Variants in EFCAB6 observed in about 807,000 individuals in gnomAD.
The protein encoded by EFCAB6 is EF-hand calcium binding domain 6.
Under a neutral mutation model 169.8 loss-of-function variants are expected in EFCAB6, and 156 were observed. The observed-to-expected ratio is 0.92, with a 90% CI of 0.81 to 1.05. The LOEUF (loss-of-function observed/expected upper bound fraction) is 1.05, where lower values mean the gene tolerates loss of function less well. Among genes scored for constraint, EFCAB6 ranks in the 50% least tolerant of loss-of-function variants. The probability of loss-of-function intolerance (pLI) is 0.00; values close to 1 mark genes in which losing one functional copy is unlikely to be tolerated. For missense variants in EFCAB6, 1,800 were observed against 1,829.1 expected, an observed-to-expected ratio of 0.98 and a Z score of 0.29; for synonymous variants, 698 against 676.4, an observed-to-expected ratio of 1.03 and a Z score of -0.50.
chr22:43,623,118 G>A (rs575511984), intron 20 of EFCAB6, among the ~76,000 whole-genome samples: 4 of 152,304 alleles, frequency 2.6e-5, no homozygotes, highest in Non-Finnish European at 4.4e-5. Flanking sequence ...CAGCTGAAGC[G>A]CTTGATGACT....
chr22:43,647,972 T>A (rs1206952815), intron 17 of EFCAB6, among the ~76,000 whole-genome samples: 1 of 152,156 alleles, frequency 6.6e-6, no homozygotes, highest in Non-Finnish European at 1.5e-5. Context: ...ATTTTTATTG[T>A]TTTAAGCTAC....
At chr22:43,786,771 A>G (rs1216071585) in intron 2 of EFCAB6, among the ~76,000 whole-genome samples, 1 of 151,958 alleles carries the variant, frequency 6.6e-6, no homozygotes, top group East Asian at 1.9e-4. Context: ...AAAGCTAAAA[A>G]CCAATATTCC....
chr22:43,757,706 G>T (rs1419521714), intron 5 of EFCAB6, among the ~76,000 whole-genome samples: 1 of 152,110 alleles, frequency 6.6e-6, no homozygotes, highest in African/African-American at 2.4e-5. Context: ...GCTGGTCAAG[G>T]CTTTGTCAGG....
chr22:43,531,174 A>G (rs2047041067), intron 30 of EFCAB6, among the ~76,000 whole-genome samples: 1 of 152,144 alleles, frequency 6.6e-6, no homozygotes, highest in Non-Finnish European at 1.5e-5. Context: ...CTGTTTAAAA[A>G]CGTGTATTAC....
At chr22:43,592,933 A>G (rs2051677718) in intron 23 of EFCAB6, among the ~76,000 whole-genome samples, 4 of 152,376 alleles carry the variant, frequency 2.6e-5, no homozygotes, top group African/African-American at 9.6e-5. Flanking sequence ...CTTAATCTTT[A>G]AAATGTATTT....
chr22:43,591,113 TTTTTTTTTTTG>T (rs545883467), intron 23 of EFCAB6, among the ~76,000 whole-genome samples: 9,008 of 38,156 alleles, frequency 0.24, 306 homozygotes, highest in Admixed American at 0.36. Context: ...TGTTTTTTGT[TTTTTTTTTTTG>T]TTTTTTTTTT....
chr22:43,773,201 A>G (rs1207270385), intron 3 of EFCAB6, 98 bp from the exon 4 acceptor site: 16 of 1,191,614 alleles, frequency 1.3e-5, no homozygotes, highest in Non-Finnish European at 1.9e-5. Flanking sequence ...AACTTATTAG[A>G]TGGTATTTCT....
chr22:43,589,364 G>C (rs550523591), intron 24 of EFCAB6, among the ~76,000 whole-genome samples: 3 of 136,754 alleles, frequency 2.2e-5, no homozygotes, highest in Admixed American at 7.7e-5. Flanking sequence ...CAGTCAACAG[G>C]ATTGGAAGTT....
intron 12 of EFCAB6, among the ~76,000 whole-genome samples, chr22:43,680,702 T>G (rs1446155533): frequency 6.6e-6 from 1 of 152,250 alleles, no homozygotes; most frequent in African/African-American, 2.4e-5. Context: ...TTATTCTTTT[T>G]GATGCTATTG....
chr22:43,774,369 A>G (rs966144930), intron 3 of EFCAB6, among the ~76,000 whole-genome samples: 2 of 151,230 alleles, frequency 1.3e-5, no homozygotes, highest in African/African-American at 4.9e-5. Flanking sequence ...GGCACCCCAC[A>G]GTGACGCTGC....
chr22:43,795,838 A>T lies in EFCAB6; in HGVS notation c.-8+13157T>A, dbSNP rs563947396. Among the ~76,000 whole-genome samples the T allele has an allele frequency of 2.7e-3, 389 of 144,210 alleles. 3 individuals are homozygous for T. The highest frequency in any genetic ancestry group is 9.5e-3 in the African/African-American group (368 of 38,848). 94.6% of individuals were successfully genotyped at this position (144,210 alleles called of 152,430 possible). On this transcript the variant is annotated intron_variant, in intron 2 of 31. Transcript: ENST00000262726. This position sits in a 1 kb window ranked among gnomAD's most constrained non-coding sequence, Gnocchi z 4.2. ...CCTCCCAACACACACACACACACACACACTACACACTCACCACATACTCTC... is the reference window on the plus strand; with the variant it reads ...CCTCCCAACACACACACACACACACTCACTACACACTCACCACATACTCTC...
At chr22:43,643,325 G>T (rs2055926574) in intron 17 of EFCAB6, among the ~76,000 whole-genome samples, 1 of 152,250 alleles carries the variant, frequency 6.6e-6, no homozygotes, top group Non-Finnish European at 1.5e-5. Flanking sequence ...TTGAACACGA[G>T]TTGGTCGGAC....
intron 2 of EFCAB6, among the ~76,000 whole-genome samples, chr22:43,787,458 T>C (rs1224335374): frequency 6.6e-6 from 1 of 152,108 alleles, no homozygotes; most frequent in Non-Finnish European, 1.5e-5. Flanking sequence ...TATATCTCTA[T>C]ATACCTACAA....
intron 10 of EFCAB6, among the ~76,000 whole-genome samples, chr22:43,694,817 TCAA>T (rs2058516260): frequency 6.6e-6 from 1 of 151,868 alleles, no homozygotes; most frequent in South Asian, 2.1e-4. Flanking sequence ...ATAAAGGACA[TCAA>T]CAACAGCAAC....
intron 20 of EFCAB6, among the ~76,000 whole-genome samples, 159 bp downstream of exon 20, chr22:43,626,288 T>G (rs192344816): frequency 2.0e-5 from 3 of 152,190 alleles, no homozygotes; most frequent in African/African-American, 7.2e-5. Context: ...TGTTCTACAC[T>G]GAGTGCATAT....
At chr22:43,618,186 G>GAAAGAAAT (rs1555969702) in intron 20 of EFCAB6, among the ~76,000 whole-genome samples, 1 of 139,742 alleles carries the variant, frequency 7.2e-6, no homozygotes, top group African/African-American at 2.6e-5. Flanking sequence ...AAGAAAGAAA[G>GAAAGAAAT]AAAGAAAGAA....
At chr22:43,715,837 A>G (rs2059316142) in intron 9 of EFCAB6, among the ~76,000 whole-genome samples, 1 of 152,240 alleles carries the variant, frequency 6.6e-6, no homozygotes, top group Non-Finnish European at 1.5e-5. Context: ...CAAATATGAC[A>G]GTGCTCACTT....
chr22:43,809,877 A>T (rs2063049231), intron 1 of EFCAB6, among the ~76,000 whole-genome samples: 2 of 152,052 alleles, frequency 1.3e-5, no homozygotes, highest in Non-Finnish European at 2.9e-5. Context: ...AAGTGCTGGG[A>T]TTACAGGCAT....
At chr22:43,715,614 G>A (rs1469365126) in intron 9 of EFCAB6, among the ~76,000 whole-genome samples, 1 of 152,032 alleles carries the variant, frequency 6.6e-6, no homozygotes, top group Non-Finnish European at 1.5e-5. Context: ...CACTGATCCA[G>A]CCGTCCTTCT....
Sources: gnomAD v4.1 joint callset for allele counts (sites outside exome capture counted in the v4.1 genomes callset) on GRCh38, gnomAD v4.1.1 for gene constraint, Gnocchi (gnomAD v3.1) non-coding constraint, MANE v1.5 for transcripts, NCBI Gene and HGNC (gene_info 2026-07-23, HGNC 2026-07-21) for gene names.